The following MAGI1 variants were observed in gnomAD, a reference collection of about 807,000 sequenced individuals.
MAGI1 encodes membrane-associated guanylate kinase, WW and PDZ domain-containing protein 1.
In MAGI1, 58 loss-of-function variants were observed where a neutral mutation model predicts 139.9. The ratio of observed to expected loss-of-function variants is 0.41; its 90% confidence interval spans 0.34 to 0.52. The LOEUF is 0.52. Ranked by LOEUF, MAGI1 falls within the 20% of genes least tolerant of loss-of-function variation. MAGI1 has a pLI of 0.12. For missense variants in MAGI1, 1,874 were observed against 1,901.6 expected (o/e 0.99, Z 0.27); for synonymous variants, 812 against 737.9 (o/e 1.10, Z -1.63).
intron 1 of MAGI1, among the ~76,000 whole-genome samples, chr3:65,899,107 G>A (rs1463846442): frequency 3.3e-5 from 5 of 151,864 alleles, no homozygotes; most frequent in Non-Finnish European, 5.9e-5. Flanking sequence ...TTGTAGAGAC[G>A]GGTTTCGCCA....
At chr3:65,815,211 A>G (rs1283362277) in intron 1 of MAGI1, among the ~76,000 whole-genome samples, 5 of 152,194 alleles carry the variant, frequency 3.3e-5, no homozygotes, top group East Asian at 1.9e-4. Flanking sequence ...AAGTCTGACA[A>G]TTCTGGGGCC....
intron 2 of MAGI1, 45 bp from the exon 3 acceptor site, chr3:65,493,676 A>C: frequency 1.9e-6 from 3 of 1,610,606 alleles, no homozygotes; most frequent in Non-Finnish European, 2.5e-6. Flanking sequence ...CAATCAACTA[A>C]AACAGGAAGT....
chr3:65,635,324 A>G (rs2084550022), intron 1 of MAGI1, among the ~76,000 whole-genome samples: 1 of 152,148 alleles, frequency 6.6e-6, no homozygotes, highest in Non-Finnish European at 1.5e-5. Flanking sequence ...CGGCCTCCCA[A>G]AGTGCTGGGA....
chr3:65,889,900 G>C (rs1479312052), intron 1 of MAGI1, among the ~76,000 whole-genome samples: 8 of 152,180 alleles, frequency 5.3e-5, no homozygotes, highest in African/African-American at 1.9e-4. Flanking sequence ...GAAGCATGAG[G>C]ATGCTGCCAC....
At chr3:65,730,904 GTTT>G (rs1015454795) in intron 1 of MAGI1, among the ~76,000 whole-genome samples, 6 of 137,268 alleles carry the variant, frequency 4.4e-5, no homozygotes, top group African/African-American at 1.5e-4. Flanking sequence ...CCCCCCCGGG[GTTT>G]TTGTTTTTTT....
chr3:65,713,884 G>T (rs933866952), intron 1 of MAGI1, among the ~76,000 whole-genome samples: 4 of 152,054 alleles, frequency 2.6e-5, no homozygotes, highest in African/African-American at 9.7e-5. Context: ...TAAAGTCCTT[G>T]AATTTAAAGA....
chr3:65,682,201 G>T (rs999764882), intron 1 of MAGI1, among the ~76,000 whole-genome samples: 3 of 152,170 alleles, frequency 2.0e-5, no homozygotes, highest in African/African-American at 7.2e-5. Context: ...CATCAAGGGT[G>T]GGCATGCAAA....
At chr3:65,799,384 T>TG (rs1553709030) in intron 1 of MAGI1, among the ~76,000 whole-genome samples, 3 of 152,170 alleles carry the variant, frequency 2.0e-5, no homozygotes, top group Non-Finnish European at 4.4e-5. Flanking sequence ...TCCCCTAAAA[T>TG]GAGTGACACT....
chr3:65,803,754 G>A (rs975901490), intron 1 of MAGI1, among the ~76,000 whole-genome samples: 4 of 151,984 alleles, frequency 2.6e-5, no homozygotes, highest in African/African-American at 7.3e-5. Flanking sequence ...CTGTGTCCAC[G>A]TGTTCTCATC....
intron 12 of MAGI1, among the ~76,000 whole-genome samples, chr3:65,423,385 C>T (rs1946776502): frequency 6.7e-6 from 1 of 149,694 alleles, no homozygotes; most frequent in Non-Finnish European, 1.5e-5. Flanking sequence ...CACACACGCG[C>T]ACACACACAC....
intron 2 of MAGI1, among the ~76,000 whole-genome samples, chr3:65,545,503 T>C (rs1276134199): frequency 6.6e-6 from 1 of 152,186 alleles, no homozygotes; most frequent in Non-Finnish European, 1.5e-5. Context: ...ACATAAGATG[T>C]GTGTCAAAGG....
chr3:65,364,219 A>G lies in MAGI1; in HGVS notation c.3351+446T>C, dbSNP rs113795408. On this transcript the variant is annotated intron_variant, in intron 20 of 22. Coordinates refer to ENST00000402939, the MANE Select transcript of MAGI1 (RefSeq NM_001033057.2). Reference sequence around the variant, plus strand: ...GAATCTGTTTAATTTTGCATCACCCAAAGTTCCTCAAATTTGTTTCACCTG... The same window carrying G: ...GAATCTGTTTAATTTTGCATCACCCGAAGTTCCTCAAATTTGTTTCACCTG... Among the ~76,000 whole-genome samples the G allele has an allele frequency of 1.8e-4, 27 of 151,088 alleles. 1 individual carries two copies. Among genetic ancestry groups the G allele is most frequent in the African/African-American group, 6.6e-4 (27 of 41,206 alleles).
rs1430567232 is a variant in MAGI1 at position 65,530,622 on chromosome 3, GTGGTGTGTGTGT to G, written c.431-37003_431-36992del. Among the ~76,000 whole-genome samples, 10 of 58,932 alleles carry G rather than the reference GTGGTGTGTGTGT, an allele frequency of 1.7e-4. 1 individual carries two copies. The East Asian group carries it at 2.3e-3, about 13-fold the overall frequency. The allele number at this position is 58,932 out of a possible 152,430, so 38.7% of individuals were successfully genotyped here. A position where few individuals can be genotyped will look rare whatever the true frequency, so the allele number is the denominator to read the frequency against. On this transcript the variant is annotated intron_variant, in intron 2 of 22. Coordinates refer to ENST00000402939, the MANE Select transcript of MAGI1 (RefSeq NM_001033057.2). ...CAGCAAGACACATACGTATGTGTGT[GTGGTGTGTGTGT>G]GTGTGTGTGTGTGTGTGTGTGTGTG...
chr3:65,597,506 C>G (rs1185667413), intron 2 of MAGI1, among the ~76,000 whole-genome samples: 1 of 151,794 alleles, frequency 6.6e-6, no homozygotes, highest in East Asian at 1.9e-4. Flanking sequence ...TTTTTTCTCC[C>G]CCCTCCCCCT....
intron 2 of MAGI1, among the ~76,000 whole-genome samples, chr3:65,596,644 C>T (rs2106795108): frequency 1.3e-5 from 2 of 152,336 alleles, no homozygotes; most frequent in South Asian, 4.1e-4. Context: ...TTGTACACTC[C>T]ATTGCCCCCT....
chr3:66,035,893 C>A (rs1300430530), intron 1 of MAGI1, among the ~76,000 whole-genome samples: 1 of 152,122 alleles, frequency 6.6e-6, no homozygotes, highest in Non-Finnish European at 1.5e-5. Context: ...CCTGGGACAT[C>A]GCCTCCCAGA....
At chr3:65,836,428 T>C (rs74371200) in intron 1 of MAGI1, among the ~76,000 whole-genome samples, 1,578 of 152,172 alleles carry the variant, frequency 0.01, 22 homozygotes, top group African/African-American at 0.036. Flanking sequence ...GGCTTAGTGA[T>C]AAGGATCGTG....
rs756836347 is a variant in MAGI1, at chr3:65,577,450, T to C, written c.430+44522A>G. Among the ~76,000 whole-genome samples the C allele has an allele frequency of 3.9e-5, 6 of 152,270 alleles. No homozygotes were observed. In the South Asian group the frequency reaches 1.2e-3, roughly 32 times the overall value. On this transcript the variant is annotated intron_variant, in intron 2 of 22. Transcript: ENST00000402939. ...TATCTTCACTTAAAATAATTTTGAT[T>C]AAAAAATATTACATTAAAATATTAT...
intron 1 of MAGI1, among the ~76,000 whole-genome samples, chr3:65,648,179 C>T (rs909031472): frequency 6.6e-6 from 1 of 151,140 alleles, no homozygotes; most frequent in African/African-American, 2.4e-5. Context: ...TTTTGAAACA[C>T]TGTCACCTAG....
Sources: gnomAD v4.1 joint callset for allele counts (sites outside exome capture counted in the v4.1 genomes callset) on GRCh38, gnomAD v4.1.1 for gene constraint, MANE v1.5 for transcripts, NCBI Gene and HGNC (gene_info 2026-07-23, HGNC 2026-07-21) for gene names.